ACBD5: variants seen among roughly 807,000 people sequenced by gnomAD.
The protein encoded by ACBD5 is acyl-CoA-binding domain-containing protein 5.
ACBD5 carries 40 observed loss-of-function variants against 71.8 expected under a neutral mutation model. The ratio of observed to expected loss-of-function variants is 0.56; its 90% CI spans 0.43 to 0.72. The LOEUF is 0.72. Ranked by LOEUF, ACBD5 falls within the 30% of genes least tolerant of loss-of-function variation. ACBD5 has a pLI of 0.00. For missense variants in ACBD5, 559 were observed against 644.5 expected, an observed-to-expected ratio of 0.87 and a Z score of 1.44; for synonymous variants, 229 against 218.6, an observed-to-expected ratio of 1.05 and a Z score of -0.42.
chr10:27,204,664 C>T, intron 11 of ACBD5, 115 bp from the exon 12 acceptor site: 2 of 749,886 alleles, frequency 2.7e-6, no homozygotes. Flanking sequence ...ACAAATCTCA[C>T]TCCTGCTGAA....
At chr10:27,242,059 C>T (rs1289925299), upstream of ACBD5, 3 of 453,706 alleles carry the variant, frequency 6.6e-6, no homozygotes, top group South Asian at 3.1e-5. Flanking sequence ...CGGCATTTAC[C>T]TTGGTATTGC....
At position 27,238,925 on chromosome 10, in the gene ACBD5, C is replaced by T. The variant is rs369577716; in HGVS notation, c.181+1394G>A. Among the ~76,000 whole-genome samples, 8 of 152,272 alleles carry T rather than the reference C, an allele frequency of 5.3e-5. No homozygotes were observed. In the East Asian group the frequency reaches 1.2e-3, roughly 22 times the overall value. ...CTAAATATGTTTATTGGGCCGGGCG[C>T]GGTGGCTCATGCCTGTAATCCCAGC... is the stretch of plus-strand genomic sequence containing the variant. On this transcript the variant is annotated intron_variant, in intron 2 of 12. Coordinates refer to ENST00000396271, the MANE Select transcript of ACBD5 (RefSeq NM_145698.5).
chr10:27,237,613 T>C (rs1177425289), intron 2 of ACBD5, among the ~76,000 whole-genome samples: 1 of 138,040 alleles, frequency 7.2e-6, no homozygotes, highest in African/African-American at 2.9e-5. Context: ...TACCATTTGA[T>C]AGGATATCTT....
chr10:27,218,064 G>C lies in ACBD5; in HGVS notation c.745C>G (p.Leu249Val). Reference sequence around the variant, plus strand: ...ACTTCTTCAGTGCTTCTGCCATTCAGGGAAGAACTGGCATGAATGTCATTC... The same window carrying C: ...ACTTCTTCAGTGCTTCTGCCATTCACGGAAGAACTGGCATGAATGTCATTC... ...IQNDIHASSS[L>V]NGRSTEEVKP... Residue 249 changes from leucine (L) to valine (V), a missense_variant, in exon 7 of 13, where the codon CTG becomes GTG. Physicochemically the swap from Leu to Val is conservative, Grantham distance 32. Transcript: ENST00000396271. 1 of 1,614,080 alleles carries C rather than the reference G, an allele frequency of 6.2e-7. No homozygotes were observed. Among genetic ancestry groups the C allele is most frequent in the Non-Finnish European group, 8.5e-7 (1 of 1,180,016 alleles).
In ACBD5 at chr10:27,208,585, C is replaced by G; in HGVS notation, c.1205-140G>C. The stretch of plus-strand genomic sequence containing the variant: ...AGGAGCTGTGGCTCACACCTGTAAT[C>G]CCAGCACTTTGGGAGGCTGAGACGG... On this transcript the variant is annotated intron_variant, in intron 9 of 12. Coordinates refer to ENST00000396271, the MANE Select transcript of ACBD5 (RefSeq NM_145698.5). The G allele has an allele frequency of 2.9e-6, 3 of 1,029,722 alleles. No homozygotes were observed. The South Asian group carries it at 4.2e-5, about 14-fold the overall frequency. The allele number at this position is 1,029,722 out of a possible 1,614,324, so 63.8% of individuals were successfully genotyped here.
chr10:27,242,089 A>G, upstream of ACBD5: 1 of 452,056 alleles, frequency 2.2e-6, no homozygotes. Flanking sequence ...CCTGTCCGGT[A>G]ATGTCCCCGA....
chr10:27,188,728 CTTA>C (rs768503154), intron 13 of ACBD5, among the ~76,000 whole-genome samples: 222 of 152,238 alleles, frequency 1.5e-3, no homozygotes, highest in Non-Finnish European at 2.5e-3. Context: ...GAACAGGTGA[CTTA>C]TTATCTAAAT....
intron 8 of ACBD5, among the ~76,000 whole-genome samples, chr10:27,212,071 C>T (rs1027907372): frequency 2.0e-5 from 3 of 152,024 alleles, no homozygotes; most frequent in South Asian, 4.2e-4. Context: ...AGCAAGGGGC[C>T]GGCATGGTGG....
downstream of ACBD5, among the ~76,000 whole-genome samples, chr10:27,191,156 C>A (rs2059061184): frequency 6.6e-6 from 1 of 152,152 alleles, no homozygotes; most frequent in South Asian, 2.1e-4. Flanking sequence ...AATGAAAAGA[C>A]ACAGATGAAT....
rs1238085881 is a variant in ACBD5, at chr10:27,240,080, G to T, written c.181+239C>A. On this transcript the variant is annotated intron_variant, in intron 2 of 12. Transcript: ENST00000396271. This position sits in a 1 kb window ranked among gnomAD's most constrained non-coding sequence, Gnocchi z 4.1. Reference sequence around the variant, plus strand: ...ATTTTTTAACACACCCAAATCCGCAGTCATTAAGTGACAAGACTTTTGTTT... The same window carrying T: ...ATTTTTTAACACACCCAAATCCGCATTCATTAAGTGACAAGACTTTTGTTT... Among the ~76,000 whole-genome samples the T allele has an allele frequency of 6.6e-6, 1 of 152,126 alleles. No individual in the cohort carries two copies. Among genetic ancestry groups the T allele is most frequent in the Non-Finnish European group, 1.5e-5 (1 of 68,036 alleles).
chr10:27,210,721 G>C, intron 9 of ACBD5, 93 bp downstream of exon 9: 2 of 1,552,826 alleles, frequency 1.3e-6, no homozygotes, highest in Admixed American at 3.5e-5. Context: ...TTGCACCACC[G>C]CACACCAGCC....
rs1310754981 is a variant in ACBD5, at chr10:27,240,758, G to A, written c.-70C>T. The A allele has an allele frequency of 1.3e-6, 2 of 1,548,814 alleles. No homozygotes were observed. The highest frequency in any genetic ancestry group is 1.7e-6 in the Non-Finnish European group (2 of 1,145,858). ...GCCGCTCTCCCACCCTGGGGACCCT[G>A]GCGGAGCAGCCACACCCCCCATTCC... On this transcript the variant is annotated 5_prime_UTR_variant, in exon 1 of 13. Transcript: ENST00000396271. The surrounding 1 kb of genome is among the most constrained non-coding windows in gnomAD (Gnocchi z 4.1).
chr10:27,213,829 A>G (rs2061358252), intron 8 of ACBD5, among the ~76,000 whole-genome samples: 1 of 152,162 alleles, frequency 6.6e-6, no homozygotes, highest in East Asian at 1.9e-4. Context: ...GTATACCCAA[A>G]AGAAAGGAAA....
In ACBD5 at chr10:27,240,788, G is replaced by T. The variant is rs973176477; in HGVS notation, c.-100C>A. 6.6e-7 allele frequency: 1 copy of T among 1,522,314 alleles called. No individual in the cohort carries two copies. Among genetic ancestry groups the T allele is most frequent in the African/African-American group, 1.4e-5 (1 of 72,496 alleles). The allele number at this position is 1,522,314 out of a possible 1,614,324, so 94.3% of individuals were successfully genotyped here. A position where few individuals can be genotyped will look rare whatever the true frequency, so the allele number is the denominator to read the frequency against. ...AGCAGCCACACCCCCCATTCCGCCG[G>T]AGTCCGTCTGTCAGTCCGTGCCCTC... On this transcript the variant is annotated 5_prime_UTR_variant, in exon 1 of 13. Coordinates refer to ENST00000396271, the MANE Select transcript of ACBD5 (RefSeq NM_145698.5). The surrounding 1 kb of genome is among the most constrained non-coding windows in gnomAD (Gnocchi z 4.1).
At chr10:27,210,470 TAGTC>T (rs1156721420) in intron 9 of ACBD5, among the ~76,000 whole-genome samples, 1 of 152,068 alleles carries the variant, frequency 6.6e-6, no homozygotes, top group African/African-American at 2.4e-5. Context: ...CTTTTTAAAT[TAGTC>T]AGGCGGCCGG....
At chr10:27,240,820 G>A (rs1278376921), upstream of ACBD5, 4 of 1,368,242 alleles carry the variant, frequency 2.9e-6, no homozygotes, top group Non-Finnish European at 4.0e-6. The surrounding 1 kb of genome is among the most constrained non-coding windows in gnomAD (Gnocchi z 4.1). Flanking sequence ...CCTCCCCACA[G>A]CCCCGCCCCA....
chr10:27,241,665 C>T (rs1257024039), upstream of ACBD5, among the ~76,000 whole-genome samples: 1 of 61,018 alleles, frequency 1.6e-5, no homozygotes, highest in Non-Finnish European at 3.2e-5. Flanking sequence ...GCCAGGAGTT[C>T]AAGACGAGCC....
chr10:27,205,306 T>C (rs2060372947), intron 10 of ACBD5, 58 bp from the exon 11 acceptor site: 5 of 1,537,372 alleles, frequency 3.3e-6, no homozygotes, highest in Admixed American at 3.4e-5. Flanking sequence ...CAGTAATTAT[T>C]CTATTTCCTA....
intron 13 of ACBD5, among the ~76,000 whole-genome samples, chr10:27,189,346 A>G: frequency 6.6e-6 from 1 of 152,206 alleles, no homozygotes; most frequent in Admixed American, 6.5e-5. Flanking sequence ...TGTATTAATA[A>G]AAAATAATTT....
Sources: allele counts gnomAD v4.1 joint callset (sites outside exome capture counted in the v4.1 genomes callset), GRCh38; gene constraint gnomAD v4.1.1; non-coding constraint Gnocchi (gnomAD v3.1); transcripts MANE v1.5; gene names NCBI Gene and HGNC (gene_info 2026-07-23, HGNC 2026-07-21).